The following ENKUR variants were observed in gnomAD, a reference collection of about 807,000 sequenced individuals.
The protein encoded by ENKUR is enkurin, TRPC channel interacting protein, also known as enkurin.
Under a neutral mutation model 27.6 loss-of-function variants are expected in ENKUR, and 19 were observed. The ratio of observed to expected loss-of-function variants is 0.69; its 90% CI spans 0.48 to 1.01. ENKUR has a LOEUF of 1.01. ENKUR is among the 50% of genes least tolerant of loss of function. The pLI, the probability that ENKUR is intolerant of heterozygous loss-of-function variation, is 0.00. For synonymous variants in ENKUR, 117 were observed against 96.9 expected (o/e 1.21, Z -1.22); for missense variants, 312 against 310.5 (o/e 1.00, Z -0.04).
chr10:24,995,584 C>A, intron 3 of ENKUR, 62 bp downstream of exon 3: 2 of 1,391,516 alleles, frequency 1.4e-6, no homozygotes, highest in African/African-American at 1.4e-5. Flanking sequence ...AGATGATCAT[C>A]ATGAACACCA....
chr10:25,050,403 G>A (rs1056246206), intron 2 of ENKUR, among the ~76,000 whole-genome samples: 17 of 152,204 alleles, frequency 1.1e-4, no homozygotes, highest in Admixed American at 6.5e-4. Flanking sequence ...CCTCACAATC[G>A]TGCAGAAGCC....
intron 2 of ENKUR, among the ~76,000 whole-genome samples, chr10:25,034,602 G>T (rs1168024856): frequency 1.3e-5 from 2 of 152,132 alleles, no homozygotes; most frequent in Non-Finnish European, 2.9e-5. Context: ...ATTTGCTTGA[G>T]ATTTTAAACG....
At position 25,016,008 on chromosome 10, in the gene ENKUR, T is replaced by C. The variant is rs1178176336; in HGVS notation, c.-72A>G. On this transcript the variant is annotated 5_prime_UTR_variant, in exon 1 of 6. Coordinates refer to ENST00000331161, the MANE Select transcript of ENKUR (RefSeq NM_145010.4). ...CCCTGTCCCAGTATCTCCGTCCCTT[T>C]CTTCACTGCTTCCCCTTTCTTTCTT... The C allele has an allele frequency of 2.5e-5, 38 of 1,545,652 alleles. No individual in the cohort carries two copies. In the Admixed American group the frequency reaches 5.6e-4, roughly 23 times the overall value.
At chr10:25,018,907 A>T (rs1447921274), upstream of ENKUR, among the ~76,000 whole-genome samples, 1 of 152,184 alleles carries the variant, frequency 6.6e-6, no homozygotes, top group African/African-American at 2.4e-5. Context: ...ATAGTAATAT[A>T]AAGACTAAGT....
chr10:24,991,282 C>T (rs1849922505), intron 3 of ENKUR, among the ~76,000 whole-genome samples: 1 of 151,940 alleles, frequency 6.6e-6, no homozygotes, highest in Admixed American at 6.6e-5. Context: ...TACCTTCTAC[C>T]TTCTACATGC....
At chr10:25,020,280 A>C (rs201486928), upstream of ENKUR, among the ~76,000 whole-genome samples, 7 of 82,376 alleles carry the variant, frequency 8.5e-5, no homozygotes, top group East Asian at 4.4e-4. Flanking sequence ...ATATCTATAT[A>C]TATCTACCCC....
intron 3 of ENKUR, among the ~76,000 whole-genome samples, chr10:24,992,840 C>T (rs1849955170): frequency 6.6e-6 from 1 of 152,128 alleles, no homozygotes; most frequent in African/African-American, 2.4e-5. Flanking sequence ...TCTGGGAGGC[C>T]AGTATTCTGG....
intron 1 of ENKUR, among the ~76,000 whole-genome samples, chr10:25,008,283 G>C (rs1316635591): frequency 6.6e-6 from 1 of 152,102 alleles, no homozygotes; most frequent in Non-Finnish European, 1.5e-5. Context: ...GACTTTCTTT[G>C]AATATAAGTT....
chr10:25,004,282 G>C (rs1341456514), intron 1 of ENKUR, among the ~76,000 whole-genome samples: 1 of 152,086 alleles, frequency 6.6e-6, no homozygotes, highest in Non-Finnish European at 1.5e-5. Context: ...TATTCCTTTG[G>C]GTATATATCC....
chr10:25,050,855 C>T (rs540904424), intron 2 of ENKUR, among the ~76,000 whole-genome samples: 50 of 152,184 alleles, frequency 3.3e-4, no homozygotes, highest in African/African-American at 1.2e-3. Context: ...TATATGTACC[C>T]TACTTAAGTT....
chr10:24,989,267 C>T (rs1849873022), intron 4 of ENKUR, among the ~76,000 whole-genome samples: 1 of 152,208 alleles, frequency 6.6e-6, no homozygotes, highest in African/African-American at 2.4e-5. Flanking sequence ...GCCAGCCTTC[C>T]TTCCTGCCTG....
In ENKUR at chr10:24,995,716, A is replaced by G. The variant is rs1281328937; in HGVS notation, c.377T>C (p.Val126Ala). ...ATGCTTGTCTCCAGTTCTTTTATCA[A>G]CATAAATTGGTTTAGGCTTTTTAGC... ...GVAKKPKPIY[V>A]DKRTGDKHDL... is the part of the protein sequence containing the mutation. The change falls in exon 3 of 6, where the codon GTT becomes GCT. Residue 126 changes from valine to alanine, a missense_variant. Coordinates refer to ENST00000331161, the MANE Select transcript of ENKUR (RefSeq NM_145010.4). 27 of 1,613,926 alleles carry G rather than the reference A, an allele frequency of 1.7e-5. No individual in the cohort carries two copies. Among genetic ancestry groups the G allele is most frequent in the African/African-American group, 2.7e-5 (2 of 74,922 alleles).
intron 2 of ENKUR, chr10:25,021,670 A>G (rs1850721917): frequency 6.6e-6 from 1 of 152,220 alleles, no homozygotes; most frequent in South Asian, 2.1e-4. Context: ...TTCAAATAAT[A>G]GACTAGTCTA....
chr10:24,984,788 C>T lies in ENKUR; in HGVS notation c.712G>A (p.Glu238Lys). The change falls in exon 5 of 6, where the codon GAA becomes AAA. Residue 238 changes from glutamate to lysine, a missense_variant. By Grantham distance (56) the Glu-to-Lys change is moderately conservative (BLOSUM62 1). Transcript: ENST00000331161. Reference sequence around the variant, plus strand: ...TTTTCAATTATGCCAATGTCGTGTTCTAGTTGTTTCATTTCTTCTTCCAGC... The same window carrying T: ...TTTTCAATTATGCCAATGTCGTGTTTTAGTTGTTTCATTTCTTCTTCCAGC... ...QRLEEEMKQLEHDIGIIEKHK... is the reference protein window; with the variant it reads ...QRLEEEMKQLKHDIGIIEKHK... 1 of 1,613,576 alleles carries T rather than the reference C, an allele frequency of 6.2e-7. No individual in the cohort carries two copies. Among genetic ancestry groups the T allele is most frequent in the Non-Finnish European group, 8.5e-7 (1 of 1,179,856 alleles).
At chr10:25,053,376 A>G (rs1191668441) in intron 2 of ENKUR, among the ~76,000 whole-genome samples, 1 of 152,128 alleles carries the variant, frequency 6.6e-6, no homozygotes, top group Admixed American at 6.6e-5. Flanking sequence ...AAGCTATGCA[A>G]TCGATCTCAA....
chr10:25,020,043 C>T (rs1850686199), upstream of ENKUR, among the ~76,000 whole-genome samples: 1 of 151,754 alleles, frequency 6.6e-6, no homozygotes, highest in Admixed American at 6.6e-5. Context: ...ATGTTGAGCC[C>T]CTAAAATCAA....
chr10:25,047,717 A>G (rs1017416996), intron 2 of ENKUR, among the ~76,000 whole-genome samples: 4 of 152,164 alleles, frequency 2.6e-5, no homozygotes, highest in African/African-American at 7.2e-5. Flanking sequence ...ATCACTTTCC[A>G]ACAATTTTAA....
At chr10:25,003,148 T>A (rs1445541357) in intron 1 of ENKUR, among the ~76,000 whole-genome samples, 2 of 151,924 alleles carry the variant, frequency 1.3e-5, no homozygotes, top group African/African-American at 4.8e-5. Flanking sequence ...AAATTCAATT[T>A]CAGTGTTTCT....
intron 2 of ENKUR, among the ~76,000 whole-genome samples, chr10:25,035,470 G>T (rs1267254200): frequency 6.6e-6 from 1 of 151,812 alleles, no homozygotes; most frequent in Admixed American, 6.6e-5. Context: ...CAGGAGAATC[G>T]CTTGAATCCA....
Sources: gnomAD v4.1 joint callset for allele counts (sites outside exome capture counted in the v4.1 genomes callset) on GRCh38, gnomAD v4.1.1 for gene constraint, MANE v1.5 for transcripts, NCBI Gene and HGNC (gene_info 2026-07-23, HGNC 2026-07-21) for gene names.